The following ARHGAP28 variants were observed in gnomAD, a reference collection of about 807,000 sequenced individuals.
ARHGAP28 encodes rho GTPase-activating protein 28.
A neutral mutation model predicts 90.7 loss-of-function variants in ARHGAP28; 56 were observed. That is an observed-to-expected ratio of 0.62 (90% CI 0.50 to 0.77). ARHGAP28 has a LOEUF of 0.77. ARHGAP28 is among the 30% of genes least tolerant of loss of function. The pLI is 0.00. For synonymous variants in ARHGAP28, 308 were observed against 323.3 expected, an observed-to-expected ratio of 0.95 and a Z score of 0.51; for missense variants, 869 against 900.9, an observed-to-expected ratio of 0.96 and a Z score of 0.45.
intron 12 of ARHGAP28, among the ~76,000 whole-genome samples, chr18:6,889,369 A>G (rs915024012): frequency 1.3e-5 from 2 of 152,148 alleles, no homozygotes; most frequent in Admixed American, 6.5e-5. Flanking sequence ...CCAAAAATTC[A>G]ATTTTTTTAT....
intron 1 of ARHGAP28, among the ~76,000 whole-genome samples, chr18:6,792,375 T>C (rs2056412878): frequency 6.6e-6 from 1 of 152,224 alleles, no homozygotes. Flanking sequence ...GTACATTGTA[T>C]ATCTATATTT....
chr18:6,891,647 G>A (rs1240292882), intron 14 of ARHGAP28, among the ~76,000 whole-genome samples: 4 of 151,928 alleles, frequency 2.6e-5, no homozygotes, highest in Non-Finnish European at 5.9e-5. Context: ...GAGTGCAGTG[G>A]CATGATCATA....
chr18:6,781,680 G>T (rs1323169407), intron 1 of ARHGAP28, among the ~76,000 whole-genome samples: 3 of 152,146 alleles, frequency 2.0e-5, no homozygotes, highest in Non-Finnish European at 4.4e-5. Flanking sequence ...GAGGGCCCCA[G>T]CTCCCACCTG....
Position 6,882,140 on chromosome 18 carries a change from T to C in ARHGAP28, c.1294T>C (p.Tyr432His), listed in dbSNP as rs544259842. 6.2e-7 allele frequency: 1 copy of C among 1,612,522 alleles called. No homozygotes were observed. Among genetic ancestry groups the C allele is most frequent in the East Asian group, 2.2e-5 (1 of 44,840 alleles). ...LSGCTAKVKQ[Y>H]REELDAKFNA... ...GACTGTTTTCCTTGATTTACAGCAA[T>C]ACCGTGAAGAACTTGATGCCAAGTT... is the stretch of plus-strand genomic sequence containing the variant. The change falls in exon 11 of 18, where the codon TAC (tyrosine) becomes CAC (histidine). Residue 432 changes from tyrosine to histidine, a missense_variant. Physicochemically the swap from Tyr to His is moderately conservative, Grantham distance 83. Coordinates refer to ENST00000383472, the MANE Select transcript of ARHGAP28 (RefSeq NM_001366230.1).
At chr18:6,747,121 C>T (rs1486560382) in intron 1 of ARHGAP28, among the ~76,000 whole-genome samples, 1 of 150,184 alleles carries the variant, frequency 6.7e-6, no homozygotes, top group Non-Finnish European at 1.5e-5. Context: ...CTCTTGAAGC[C>T]ACCATGAAAG....
chr18:6,812,952 C>G (rs1395541854), intron 1 of ARHGAP28, among the ~76,000 whole-genome samples: 2 of 152,154 alleles, frequency 1.3e-5, no homozygotes, highest in Non-Finnish European at 2.9e-5. Flanking sequence ...TTGCAGTTTT[C>G]TCAAGGAATT....
intron 1 of ARHGAP28, among the ~76,000 whole-genome samples, chr18:6,775,423 T>C (rs1258884349): frequency 6.6e-6 from 1 of 152,216 alleles, no homozygotes; most frequent in Non-Finnish European, 1.5e-5. Flanking sequence ...TCTATTGAAC[T>C]TGCTTTTTAG....
chr18:6,835,986 G>C (rs2056750564), intron 2 of ARHGAP28: 1 of 152,110 alleles, frequency 6.6e-6, no homozygotes, highest in African/African-American at 2.4e-5. Flanking sequence ...TGCTCTGATG[G>C]AGCTACAGGG....
chr18:6,758,923 T>C, intron 1 of ARHGAP28, among the ~76,000 whole-genome samples: 1 of 152,216 alleles, frequency 6.6e-6, no homozygotes, highest in East Asian at 1.9e-4. Flanking sequence ...TGAAATAATG[T>C]GGAACTTGTT....
intron 3 of ARHGAP28, chr18:6,850,709 C>T: frequency 1.0e-6 from 1 of 971,820 alleles, no homozygotes; most frequent in Admixed American, 2.7e-5. Context: ...TGATCACACT[C>T]AGTCTTTTTA....
At chr18:6,784,579 G>A (rs781467347) in intron 1 of ARHGAP28, among the ~76,000 whole-genome samples, 2 of 152,224 alleles carry the variant, frequency 1.3e-5, no homozygotes, top group Admixed American at 6.5e-5. Flanking sequence ...AGGCAAGGGG[G>A]CAGATGTTAG....
intron 1 of ARHGAP28, among the ~76,000 whole-genome samples, chr18:6,806,881 G>T (rs1231948813): frequency 6.6e-6 from 1 of 151,934 alleles, no homozygotes; most frequent in Non-Finnish European, 1.5e-5. Context: ...TTTTCATTGG[G>T]TTGATAGTTT....
chr18:6,849,988 G>A (rs1269329818), intron 3 of ARHGAP28, among the ~76,000 whole-genome samples: 4 of 151,726 alleles, frequency 2.6e-5, no homozygotes, highest in Non-Finnish European at 5.9e-5. Flanking sequence ...ATCTTAAATT[G>A]TCACTTATTT....
At chr18:6,902,443 T>C (rs2057343211) in intron 16 of ARHGAP28, among the ~76,000 whole-genome samples, 1 of 152,194 alleles carries the variant, frequency 6.6e-6, no homozygotes, top group Non-Finnish European at 1.5e-5. Flanking sequence ...ACCAGTTTTT[T>C]TAAAACCACC....
intron 9 of ARHGAP28, chr18:6,875,124 T>A (rs889290829): frequency 2.0e-5 from 3 of 152,224 alleles, no homozygotes; most frequent in African/African-American, 7.2e-5. Context: ...TTTATAGTAC[T>A]GTGTAGGTAC....
At chr18:6,881,102 A>G (rs1451539323) in intron 10 of ARHGAP28, among the ~76,000 whole-genome samples, 6 of 152,178 alleles carry the variant, frequency 3.9e-5, no homozygotes, top group Admixed American at 3.9e-4. Flanking sequence ...TATCTCTGCA[A>G]GAAACTTGTG....
intron 1 of ARHGAP28, among the ~76,000 whole-genome samples, chr18:6,736,982 A>G (rs1312201864): frequency 6.6e-6 from 1 of 152,168 alleles, no homozygotes; most frequent in African/African-American, 2.4e-5. Context: ...GCATGTAATC[A>G]GAATTTTTTC....
At chr18:6,886,495 C>T (rs1209842112) in intron 11 of ARHGAP28, among the ~76,000 whole-genome samples, 2 of 152,172 alleles carry the variant, frequency 1.3e-5, no homozygotes, top group Admixed American at 1.3e-4. Flanking sequence ...ACAGTCATCA[C>T]CTTCCCTAAG....
intron 3 of ARHGAP28, among the ~76,000 whole-genome samples, chr18:6,841,167 CCTCTCTCTCTCTCCTCTCTCTCTCTCT>C (rs2056811361): frequency 2.5e-5 from 2 of 79,938 alleles, no homozygotes; most frequent in Admixed American, 1.3e-4. Flanking sequence ...TTCTCTCTCT[CCTCTCTCTCTCTCCTCTCTCTCTCTCT>C]CTCTCTCTCC....
Sources: gnomAD v4.1 joint callset for allele counts (sites outside exome capture counted in the v4.1 genomes callset) on GRCh38, gnomAD v4.1.1 for gene constraint, MANE v1.5 for transcripts, NCBI Gene and HGNC (gene_info 2026-07-23, HGNC 2026-07-21) for gene names.